The following ERC2 variants were observed in gnomAD, a reference collection of about 807,000 sequenced individuals.
The protein encoded by ERC2 is ERC protein 2.
In ERC2, 42 loss-of-function variants were observed where a neutral mutation model predicts 114.8. The ratio of observed to expected loss-of-function variants is 0.37; its 90% confidence interval spans 0.29 to 0.47. The LOEUF is 0.47. Ranked by LOEUF, ERC2 falls within the 20% of genes least tolerant of loss-of-function variation. The pLI is 0.99. For missense variants in ERC2, 939 were observed against 1,150.7 expected, an observed-to-expected ratio of 0.82 and a Z score of 2.66; for synonymous variants, 454 against 425.5, an observed-to-expected ratio of 1.07 and a Z score of -0.82.
intron 2 of ERC2, among the ~76,000 whole-genome samples, chr3:56,309,701 T>C (rs2056429991): frequency 6.6e-6 from 1 of 152,218 alleles, no homozygotes; most frequent in South Asian, 2.1e-4. Context: ...ACAGGGTTCA[T>C]ACAAACACCA....
chr3:55,967,253 T>A (rs1458059), intron 12 of ERC2, among the ~76,000 whole-genome samples: 1 of 152,092 alleles, frequency 6.6e-6, no homozygotes, highest in East Asian at 1.9e-4. Context: ...AAAGTCATAT[T>A]GTATAGATGG....
chr3:56,248,594 T>C (rs1315289049), intron 3 of ERC2, among the ~76,000 whole-genome samples: 1 of 152,196 alleles, frequency 6.6e-6, no homozygotes, highest in Non-Finnish European at 1.5e-5. Flanking sequence ...GTCCCATCCT[T>C]GCCAACAATT....
At chr3:56,460,310 G>A (rs1449581194) in intron 1 of ERC2, among the ~76,000 whole-genome samples, 1 of 152,184 alleles carries the variant, frequency 6.6e-6, no homozygotes, top group Non-Finnish European at 1.5e-5. Context: ...TGATAATTTA[G>A]CAGCCTTGAG....
chr3:55,651,634 A>C (rs1479080059), intron 17 of ERC2, among the ~76,000 whole-genome samples: 1 of 152,198 alleles, frequency 6.6e-6, no homozygotes, highest in East Asian at 1.9e-4. Context: ...ACTGGTTTTG[A>C]ATATGTGGCT....
At position 55,714,106 on chromosome 3, in the gene ERC2, AT is replaced by A. The variant is rs1343712435; in HGVS notation, c.2713-14595del. On this transcript the variant is annotated intron_variant, in intron 15 of 17. Transcript: ENST00000288221. ...ATTGAACCTATAGAACTTAATCAAC[AT>A]GACATTTGTCTTTTAGGCATTTAGT... is the stretch of plus-strand genomic sequence containing the variant. Among the ~76,000 whole-genome samples, 13 of 152,354 alleles carry A rather than the reference AT, an allele frequency of 8.5e-5. 1 individual carries two copies. The highest frequency in any genetic ancestry group is 2.9e-5 in the Non-Finnish European group (2 of 68,024).
chr3:55,638,905 A>G (rs926276674), intron 17 of ERC2, among the ~76,000 whole-genome samples: 9 of 152,210 alleles, frequency 5.9e-5, no homozygotes, highest in African/African-American at 2.2e-4. Context: ...CCTCCATCTT[A>G]TCTTAGTGGA....
intron 14 of ERC2, among the ~76,000 whole-genome samples, chr3:55,819,789 C>A (rs765273971): frequency 5.3e-5 from 8 of 152,282 alleles, no homozygotes; most frequent in Non-Finnish European, 1.2e-4. Context: ...TTCTCTGCCC[C>A]GTTTGATGTC....
chr3:56,110,220 T>C (rs569671629), intron 6 of ERC2, among the ~76,000 whole-genome samples: 1 of 152,280 alleles, frequency 6.6e-6, no homozygotes, highest in Non-Finnish European at 1.5e-5. Flanking sequence ...TATCAGTCTT[T>C]TGCTGAGGTA....
intron 12 of ERC2, among the ~76,000 whole-genome samples, chr3:55,951,044 T>C (rs114815083): frequency 6.6e-6 from 1 of 151,864 alleles, no homozygotes; most frequent in Non-Finnish European, 1.5e-5. Context: ...AGCTCCCAAG[T>C]AGAGAGAACA....
intron 2 of ERC2, among the ~76,000 whole-genome samples, chr3:56,311,979 A>T (rs950814688): frequency 2.6e-5 from 4 of 152,154 alleles, no homozygotes; most frequent in African/African-American, 9.7e-5. Context: ...AAAAAGAAAA[A>T]ATATAGCATA....
chr3:56,014,146 C>T (rs1188247158), intron 8 of ERC2, among the ~76,000 whole-genome samples: 1 of 152,074 alleles, frequency 6.6e-6, no homozygotes, highest in East Asian at 1.9e-4. Flanking sequence ...AAATAAATAG[C>T]TCACAAAGCT....
At chr3:55,555,164 G>C (rs947268712) in intron 17 of ERC2, among the ~76,000 whole-genome samples, 1 of 152,162 alleles carries the variant, frequency 6.6e-6, no homozygotes, top group Non-Finnish European at 1.5e-5. Context: ...AAGGGCATTT[G>C]TTTCTAATTA....
chr3:55,733,021 G>C (rs527435249), intron 15 of ERC2, among the ~76,000 whole-genome samples: 3 of 152,152 alleles, frequency 2.0e-5, no homozygotes, highest in Non-Finnish European at 4.4e-5. Context: ...CATCGTAGCT[G>C]GACCAGTGGT....
chr3:56,059,382 C>G (rs759387671), intron 7 of ERC2, among the ~76,000 whole-genome samples: 2 of 152,146 alleles, frequency 1.3e-5, no homozygotes, highest in Non-Finnish European at 2.9e-5. Flanking sequence ...AGCCACCGTG[C>G]CCGGCCACAT....
intron 16 of ERC2, among the ~76,000 whole-genome samples, chr3:55,686,017 C>A (rs1165134859): frequency 6.6e-6 from 1 of 152,160 alleles, no homozygotes; most frequent in African/African-American, 2.4e-5. Flanking sequence ...GGAATGTGGT[C>A]TAATGCAAAT....
At chr3:56,467,130 T>G (rs144044076) in intron 1 of ERC2, 12 of 152,178 alleles carry the variant, frequency 7.9e-5, no homozygotes, top group African/African-American at 2.9e-4. Context: ...CACAGCTGTA[T>G]CCCCATACCA....
intron 2 of ERC2, among the ~76,000 whole-genome samples, chr3:56,309,098 T>C (rs2056394442): frequency 1.3e-5 from 2 of 152,160 alleles, no homozygotes; most frequent in South Asian, 2.1e-4. Context: ...CCCCAGTGTG[T>C]GGTGGAAGAG....
chr3:55,955,014 C>T (rs867461621), intron 12 of ERC2: 1 of 351,892 alleles, frequency 2.8e-6, no homozygotes, highest in Middle Eastern at 3.8e-4. Flanking sequence ...GAAAAGCCTT[C>T]AGGATATACT....
intron 3 of ERC2, among the ~76,000 whole-genome samples, chr3:56,290,707 T>C (rs1348505102): frequency 6.6e-6 from 1 of 152,230 alleles, no homozygotes; most frequent in African/African-American, 2.4e-5. Flanking sequence ...GAGCCATCAG[T>C]AAAGGTCTGA....
Sources: gnomAD v4.1 joint callset for allele counts (sites outside exome capture counted in the v4.1 genomes callset) on GRCh38, gnomAD v4.1.1 for gene constraint, MANE v1.5 for transcripts, NCBI Gene and HGNC (gene_info 2026-07-23, HGNC 2026-07-21) for gene names.